Variants in DKK4 observed in about 807,000 individuals in gnomAD.
DKK4 encodes the protein dickkopf Wnt signaling pathway inhibitor 4.
A neutral mutation model predicts 14.5 loss-of-function variants in DKK4; 15 were observed. That is an observed-to-expected ratio of 1.03 (90% CI 0.69 to 1.59). The LOEUF (loss-of-function observed/expected upper bound fraction) is 1.59. Among genes scored for constraint, DKK4 ranks in the 40% most tolerant of loss-of-function variants. The pLI is 0.00. For synonymous variants in DKK4, 89 were observed against 105.2 expected (o/e 0.85, Z 0.94); for missense variants, 272 against 280.3 (o/e 0.97, Z 0.21).
chr8:42,376,519 A>AT (rs1228503654), intron 1 of DKK4, among the ~76,000 whole-genome samples: 3 of 152,174 alleles, frequency 2.0e-5, no homozygotes, highest in African/African-American at 7.2e-5. Context: ...TTAAATTCTC[A>AT]TTCCCATGTT....
At chr8:42,376,830 AG>A in intron 1 of DKK4, 104 bp downstream of exon 1, 1 of 919,652 alleles carries the variant, frequency 1.1e-6, no homozygotes, top group Non-Finnish European at 1.7e-6. Flanking sequence ...TTTACCTGCT[AG>A]GTAAGACATT....
chr8:42,376,172 G>T (rs912587882), intron 1 of DKK4, among the ~76,000 whole-genome samples: 1 of 152,124 alleles, frequency 6.6e-6, no homozygotes, highest in Non-Finnish European at 1.5e-5. Flanking sequence ...CTAGAAGCTG[G>T]CTACAGTTTC....
At chr8:42,379,704 G>T (rs973213817), upstream of DKK4, among the ~76,000 whole-genome samples, 1 of 151,982 alleles carries the variant, frequency 6.6e-6, no homozygotes, top group Non-Finnish European at 1.5e-5. Flanking sequence ...TCCTAAGTTG[G>T]GAAGTCGGAG....
In DKK4 at chr8:42,375,735, C is replaced by G; in HGVS notation, c.207G>C (p.Leu69Phe). ...EKPFCATCRG[L>F]RRRCQRDAMC... ...TGGCATCTCGCTGGCACCTCCTCCG[C>G]AACCCACGACATGTAGCACAGAACG... is the stretch of plus-strand genomic sequence containing the variant. The change falls in exon 2 of 4, where the codon TTG becomes TTC. Residue 69 changes from leucine (L) to phenylalanine (F), a missense_variant. Transcript: ENST00000220812. The G allele has an allele frequency of 6.2e-7, 1 of 1,614,056 alleles. No homozygotes were observed. The highest frequency in any genetic ancestry group is 8.5e-7 in the Non-Finnish European group (1 of 1,180,030).
At chr8:42,380,794 A>ATGTGAG (rs1824663601), upstream of DKK4, among the ~76,000 whole-genome samples, 1 of 140,790 alleles carries the variant, frequency 7.1e-6, no homozygotes, top group African/African-American at 3.0e-5. Flanking sequence ...GAAAGGAAGA[A>ATGTGAG]AGAAAAAGAA....
chr8:42,388,823 C>G, the DKK4 span, among the ~76,000 whole-genome samples: 2 of 152,246 alleles, frequency 1.3e-5, no homozygotes, highest in South Asian at 4.1e-4. Flanking sequence ...CCTGCCTTGG[C>G]CTCCCAAAGT....
At chr8:42,374,661 T>C in intron 3 of DKK4, 100 bp downstream of exon 3, 1 of 1,504,550 alleles carries the variant, frequency 6.6e-7, no homozygotes. Context: ...TAAGTGTTTC[T>C]GGGATGGAGA....
upstream of DKK4, among the ~76,000 whole-genome samples, chr8:42,380,761 AG>A: frequency 6.7e-6 from 1 of 150,262 alleles, no homozygotes; most frequent in African/African-American, 2.5e-5. Flanking sequence ...AGAGAGAGAG[AG>A]AGAAAGAGGA....
chr8:42,376,668 C>T (rs1032903440), intron 1 of DKK4, among the ~76,000 whole-genome samples: 2 of 152,166 alleles, frequency 1.3e-5, no homozygotes, highest in Admixed American at 6.5e-5. Flanking sequence ...AGAGCTGGCA[C>T]ATAGTAGAGC....
chr8:42,389,894 A>AT, the DKK4 span, among the ~76,000 whole-genome samples: 11,930 of 144,804 alleles, frequency 0.082, 1,511 homozygotes, highest in African/African-American at 0.28. Flanking sequence ...TATCCTTAGA[A>AT]TTTTTTTTTT....
chr8:42,386,384 G>T, the DKK4 span, among the ~76,000 whole-genome samples: 1 of 152,104 alleles, frequency 6.6e-6, no homozygotes, highest in East Asian at 1.9e-4. Context: ...CTTTCTTCAA[G>T]ATCATCAAAT....
chr8:42,387,314 G>T, the DKK4 span, among the ~76,000 whole-genome samples: 1 of 145,320 alleles, frequency 6.9e-6, no homozygotes, highest in African/African-American at 2.6e-5. Flanking sequence ...TGCATTATTT[G>T]GCTGTAGTTC....
the DKK4 span, among the ~76,000 whole-genome samples, chr8:42,382,814 CA>C: frequency 6.6e-6 from 1 of 151,612 alleles, no homozygotes; most frequent in African/African-American, 2.4e-5. Flanking sequence ...TGAAATTTCT[CA>C]AAAAAAAATT....
At chr8:42,380,101 G>T (rs574230186), upstream of DKK4, among the ~76,000 whole-genome samples, 2 of 152,260 alleles carry the variant, frequency 1.3e-5, no homozygotes, top group East Asian at 3.9e-4. Flanking sequence ...GGGAAGGTGA[G>T]ATGGGAGGAT....
the DKK4 span, among the ~76,000 whole-genome samples, chr8:42,391,196 A>G: frequency 6.6e-5 from 10 of 151,970 alleles, no homozygotes; most frequent in African/African-American, 1.5e-4. Flanking sequence ...AGATGACCTA[A>G]GAGTGACACT....
At position 42,374,882 on chromosome 8, in the gene DKK4, T is replaced by G; in HGVS notation, c.294A>C (p.Pro98=). Residue 98 remains proline (P), a synonymous_variant, in exon 3 of 4, where the codon CCA becomes CCC. Transcript: ENST00000220812. ...GCTCATCAAGCTGCCTTTCTAATAT[T>G]GGGGTTGCATCTTCCATCGTAGTAC... ...DVCTTMEDAT[P]ILERQLDEQD... 1 of 1,614,170 alleles carries G rather than the reference T, an allele frequency of 6.2e-7. No individual in the cohort carries two copies. Among genetic ancestry groups the G allele is most frequent in the Non-Finnish European group, 8.5e-7 (1 of 1,180,022 alleles).
chr8:42,378,585 A>G (rs767058462), upstream of DKK4, among the ~76,000 whole-genome samples: 2 of 152,108 alleles, frequency 1.3e-5, no homozygotes, highest in Non-Finnish European at 2.9e-5. Flanking sequence ...CAAGTTGTAC[A>G]ATTATGACCA....
upstream of DKK4, among the ~76,000 whole-genome samples, chr8:42,381,570 T>C (rs559110222): frequency 2.0e-5 from 3 of 152,280 alleles, no homozygotes; most frequent in East Asian, 5.8e-4. Context: ...GAATGTGGGC[T>C]TTGGGGCCGG....
At chr8:42,377,749 A>G (rs1006234813), upstream of DKK4, among the ~76,000 whole-genome samples, 2 of 152,170 alleles carry the variant, frequency 1.3e-5, no homozygotes, top group African/African-American at 2.4e-5. Flanking sequence ...CAAAATCCCA[A>G]CCGCTTAAAA....
Sources: allele counts gnomAD v4.1 joint callset (sites outside exome capture counted in the v4.1 genomes callset), GRCh38; gene constraint gnomAD v4.1.1; transcripts MANE v1.5; gene names NCBI Gene and HGNC (gene_info 2026-07-23, HGNC 2026-07-21).